Variants in RIN3 observed in about 807,000 individuals in gnomAD.
RIN3 encodes Ras and Rab interactor 3, also known as RAB5 interacting protein 3.
A neutral mutation model predicts 76.3 loss-of-function variants in RIN3; 54 were observed. That is an observed-to-expected ratio of 0.71 (90% CI 0.57 to 0.89). The LOEUF is 0.89. RIN3 is among the 40% of genes least tolerant of loss of function. The pLI is 0.00. For missense variants in RIN3, 1,256 were observed against 1,322.1 expected (o/e 0.95, Z 0.78); for synonymous variants, 576 against 564.0 (o/e 1.02, Z -0.30).
chr14:92,665,146 A>G (rs1888041124), intron 7 of RIN3, among the ~76,000 whole-genome samples: 3 of 152,208 alleles, frequency 2.0e-5, no homozygotes, highest in Admixed American at 2.0e-4. Flanking sequence ...GGTATGGTCC[A>G]TTGCCCCCAG....
At chr14:92,597,996 T>G (rs116384995) in intron 3 of RIN3, among the ~76,000 whole-genome samples, 1 of 152,206 alleles carries the variant, frequency 6.6e-6, no homozygotes, top group Non-Finnish European at 1.5e-5. Context: ...ATGCACTCTT[T>G]GACAATTCTC....
Position 92,623,763 on chromosome 14 carries a change from G to A in RIN3, c.440+8284G>A, listed in dbSNP as rs1476291632. ...GCTCGGGCATGAACAAGTGCAGACT[G>A]ATTGGTAAGCTCTTGGAAAGACTTA... On this transcript the variant is annotated intron_variant, in intron 4 of 9. Transcript: ENST00000216487. This position sits in a 1 kb window ranked among gnomAD's most constrained non-coding sequence, Gnocchi z 4.9. 6.6e-6 allele frequency among the ~76,000 whole-genome samples: 1 copy of A among 152,244 alleles called. No individual in the cohort carries two copies. Among genetic ancestry groups the A allele is most frequent in the Non-Finnish European group, 1.5e-5 (1 of 68,050 alleles).
In RIN3 at chr14:92,591,250, A is replaced by G. The variant is rs541682971; in HGVS notation, c.367+13773A>G. Among the ~76,000 whole-genome samples the G allele has an allele frequency of 3.9e-5, 6 of 152,332 alleles. No individual in the cohort carries two copies. The East Asian group carries it at 1.2e-3, about 29-fold the overall frequency. ...TACATGGCTGAGAAAGGAATCTCTGAGCATGATAATATCTTGATAGAAACC... is the reference window on the plus strand; with the variant it reads ...TACATGGCTGAGAAAGGAATCTCTGGGCATGATAATATCTTGATAGAAACC... On this transcript the variant is annotated intron_variant, in intron 3 of 9. Transcript: ENST00000216487.
intron 3 of RIN3, among the ~76,000 whole-genome samples, chr14:92,590,549 C>T (rs775519529): frequency 1.3e-5 from 2 of 152,174 alleles, no homozygotes; most frequent in Non-Finnish European, 2.9e-5. Flanking sequence ...AAGGTTTCAC[C>T]AGAAGCTGAG....
intron 4 of RIN3, among the ~76,000 whole-genome samples, chr14:92,637,614 G>A (rs1394298074): frequency 6.6e-6 from 1 of 152,156 alleles, no homozygotes; most frequent in Admixed American, 6.5e-5. Context: ...TTTGGCTACA[G>A]TAAATCTGTT....
chr14:92,666,772 A>G (rs1013108111), intron 7 of RIN3, among the ~76,000 whole-genome samples: 3 of 151,628 alleles, frequency 2.0e-5, no homozygotes, highest in Admixed American at 6.6e-5. Context: ...AGGGGGAGAA[A>G]GACGGTAGGG....
In RIN3 at chr14:92,593,388, TCAAGAAA is replaced by T. The variant is rs200368012; in HGVS notation, c.367+15917_367+15923del. 2.3e-4 allele frequency among the ~76,000 whole-genome samples: 35 copies of T among 152,226 alleles called. No individual in the cohort carries two copies. In the East Asian group the frequency reaches 6.2e-3, roughly 27 times the overall value. ...AAAAGAGAGAGGTTGTCAGAGTAGA[TCAAGAAA>T]CAAGACCCACTATATGCTGTCTACA... On this transcript the variant is annotated intron_variant, in intron 3 of 9. Coordinates refer to ENST00000216487, the MANE Select transcript of RIN3 (RefSeq NM_024832.5).
intron 2 of RIN3, among the ~76,000 whole-genome samples, chr14:92,558,760 A>G (rs1897670313): frequency 6.6e-6 from 1 of 152,234 alleles, no homozygotes; most frequent in Admixed American, 6.5e-5. Flanking sequence ...TGGTTATCCC[A>G]CCGGAAGGGT....
rs565595507 is a variant in RIN3, at chr14:92,575,115, ATAATAT to A, written c.250-2238_250-2233del. Among the ~76,000 whole-genome samples the A allele has an allele frequency of 1.1e-3, 160 of 152,328 alleles. 1 individual carries two copies. Among genetic ancestry groups the A allele is most frequent in the East Asian group, 2.3e-3 (12 of 5,182 alleles). On this transcript the variant is annotated intron_variant, in intron 2 of 9. Transcript: ENST00000216487. ...GCCAGACTAGGGAGGCCATTAATTA[ATAATAT>A]TAATATGGTTATAGTATTTTATTAA...
At position 92,652,773 on chromosome 14, in the gene RIN3, T is replaced by A. The variant is rs1429021807; in HGVS notation, c.1724T>A (p.Leu575Gln). 1 of 1,613,890 alleles carries A rather than the reference T, an allele frequency of 6.2e-7. No individual in the cohort carries two copies. The highest frequency in any genetic ancestry group is 1.3e-5 in the African/African-American group (1 of 74,928). The change falls in exon 6 of 10, where the codon CTG becomes CAG. Residue 575 changes from leucine (L) to glutamine (Q), a missense_variant. Physicochemically the swap from Leu to Gln is moderately radical, Grantham distance 113. Transcript: ENST00000216487. This position sits in a 1 kb window ranked among gnomAD's most constrained non-coding sequence, Gnocchi z 6.4. ...PSVKKKPSMI[L>Q]GKARHRLSFA... ...GTGAAGAAGAAGCCCTCCATGATCC[T>A]GGGCAAGGCTCGGCACCGGCTGAGC...
chr14:92,611,632 C>T (rs944488354), intron 3 of RIN3, among the ~76,000 whole-genome samples: 2 of 152,182 alleles, frequency 1.3e-5, no homozygotes, highest in African/African-American at 4.8e-5. Flanking sequence ...AGCTTGGTTA[C>T]ATCTACAAAG....
chr14:92,660,543 G>C (rs1045690087), intron 7 of RIN3, among the ~76,000 whole-genome samples: 3 of 152,222 alleles, frequency 2.0e-5, no homozygotes, highest in African/African-American at 7.2e-5. Flanking sequence ...CCTCCAGCAG[G>C]TTAGCACAGG....
In RIN3 at chr14:92,514,848, C is replaced by T. The variant is rs912444156; in HGVS notation, c.44+872C>T. The stretch of plus-strand genomic sequence containing the variant: ...AGAGACGCCCGGTCGGAGGCGGATT[C>T]CCGGGGAAAGCCTATTTCTGGGTAC... On this transcript the variant is annotated intron_variant, in intron 1 of 9. Transcript: ENST00000216487. The surrounding 1 kb of genome is among the most constrained non-coding windows in gnomAD (Gnocchi z 7.2). Among the ~76,000 whole-genome samples the T allele has an allele frequency of 3.3e-5, 5 of 152,198 alleles. No homozygotes were observed. The highest frequency in any genetic ancestry group is 7.2e-5 in the African/African-American group (3 of 41,458).
intron 1 of RIN3, among the ~76,000 whole-genome samples, chr14:92,555,069 C>T (rs1293385439): frequency 1.3e-5 from 2 of 152,212 alleles, no homozygotes; most frequent in African/African-American, 2.4e-5. Flanking sequence ...CTAGTGGCTA[C>T]GGCAGCACAG....
intron 5 of RIN3, 26 bp downstream of exon 5, chr14:92,641,355 G>C (rs753311285): frequency 6.4e-7 from 1 of 1,570,630 alleles, no homozygotes; most frequent in South Asian, 1.1e-5. Context: ...GGGGTTAGGG[G>C]AGCTGGTGGG....
rs61124300 is a variant in RIN3, at chr14:92,518,789, C to CTGTG, written c.44+4847_44+4850dup. ...GAGAAACTGGGAAAATAAGGGTGGC[C>CTGTG]TGTGTGTGTGTGTGTGTGTGTGTGT... On this transcript the variant is annotated intron_variant, in intron 1 of 9. Transcript: ENST00000216487. Among the ~76,000 whole-genome samples, 1,257 of 128,406 alleles carry CTGTG rather than the reference C, an allele frequency of 9.8e-3. 26 individuals are homozygous for CTGTG. Among genetic ancestry groups the CTGTG allele is most frequent in the African/African-American group, 0.021 (679 of 32,944 alleles). 84.2% of individuals were successfully genotyped at this position (128,406 alleles called of 152,430 possible).
intron 3 of RIN3, among the ~76,000 whole-genome samples, chr14:92,600,036 A>G (rs146750317): frequency 8.8e-4 from 134 of 152,328 alleles, no homozygotes; most frequent in African/African-American, 2.9e-3. Flanking sequence ...ATAGTGATTC[A>G]GAGACCCTCC....
intron 3 of RIN3, among the ~76,000 whole-genome samples, chr14:92,614,931 C>T (rs1338830126): frequency 6.6e-6 from 1 of 150,654 alleles, no homozygotes; most frequent in Non-Finnish European, 1.5e-5. Flanking sequence ...GCAACCTCCG[C>T]CTCCCGGGTT....
chr14:92,530,722 G>A (rs12879551), intron 1 of RIN3, among the ~76,000 whole-genome samples: 25,072 of 151,882 alleles, frequency 0.17, 2,465 homozygotes, highest in Middle Eastern at 0.29. Context: ...CTGCATCTCC[G>A]TGCTTTATCC....
Sources: allele counts gnomAD v4.1 joint callset (sites outside exome capture counted in the v4.1 genomes callset), GRCh38; gene constraint gnomAD v4.1.1; non-coding constraint Gnocchi (gnomAD v3.1); transcripts MANE v1.5; gene names NCBI Gene and HGNC (gene_info 2026-07-23, HGNC 2026-07-21).